The following PDK3 variants were observed in gnomAD, a reference collection of about 807,000 sequenced individuals.
The protein encoded by PDK3 is pyruvate dehydrogenase kinase 3.
Under a neutral mutation model 32.0 loss-of-function variants are expected in PDK3, and 12 were observed. The ratio of observed to expected loss-of-function variants is 0.37; its 90% CI spans 0.24 to 0.61. PDK3 has a LOEUF of 0.61. Among genes scored for constraint, PDK3 ranks in the 20% least tolerant of loss-of-function variants. The pLI is 0.65. For missense variants in PDK3, 188 were observed against 316.9 expected (o/e 0.59, Z 3.09); for synonymous variants, 122 against 116.3 (o/e 1.05, Z -0.31).
chrX:24,502,294 C>G (rs1339032759), intron 3 of PDK3, among the ~76,000 whole-genome samples: 1 of 111,429 alleles, frequency 9.0e-6, no homozygotes, highest in South Asian at 3.7e-4. Context: ...ATTGTTAGCC[C>G]GCTGTTCCAG....
At chrX:24,509,401 A>G (rs750436095) in intron 5 of PDK3, among the ~76,000 whole-genome samples, 1 of 111,653 alleles carries the variant, frequency 9.0e-6, no homozygotes, top group African/African-American at 3.3e-5. Flanking sequence ...CTCACTTAGC[A>G]TAATTAAAGC....
At position 24,503,530 on chromosome X, in the gene PDK3, G is replaced by A; in HGVS notation, c.505+19G>A. 1 of 1,081,266 alleles carries A rather than the reference G, an allele frequency of 9.2e-7. No homozygotes were observed. The highest frequency in any genetic ancestry group is 1.2e-6 in the Non-Finnish European group (1 of 812,419). 89.1% of individuals were successfully genotyped at this position (1,081,266 alleles called of 1,213,427 possible). A position where few individuals can be genotyped will look rare whatever the true frequency, so the allele number is the denominator to read the frequency against. On this transcript the variant is annotated intron_variant, in intron 4 of 10. Coordinates refer to ENST00000379162, the MANE Select transcript of PDK3 (RefSeq NM_005391.5). ...CAGCACAGTAAGTTGGAGTTTGTTG[G>A]TCCAGTTTTGAAAAGGTAACCATAG...
chrX:24,525,128 G>C (rs1313798244), intron 6 of PDK3, among the ~76,000 whole-genome samples: 1 of 111,949 alleles, frequency 8.9e-6, no homozygotes, highest in Non-Finnish European at 1.9e-5. Context: ...CTGCACTCCA[G>C]CCTGGGCAAC....
At chrX:24,482,014 T>A (rs1921272731) in intron 1 of PDK3, among the ~76,000 whole-genome samples, 1 of 112,053 alleles carries the variant, frequency 8.9e-6, no homozygotes, top group Non-Finnish European at 1.9e-5. Context: ...TTATTCTTTT[T>A]ATGAGGCCAA....
exon 12 of PDK3, among the ~76,000 whole-genome samples, chrX:24,542,586 T>C (rs1922914191): frequency 8.9e-6 from 1 of 112,706 alleles, no homozygotes; most frequent in Non-Finnish European, 1.9e-5. Flanking sequence ...TAGAGCAAGT[T>C]AATTCCGTTC....
chrX:24,465,723 G>T (rs1031538904), intron 1 of PDK3, among the ~76,000 whole-genome samples, 162 bp downstream of exon 1: 9 of 111,630 alleles, frequency 8.1e-5, no homozygotes, highest in Non-Finnish European at 1.5e-4. Flanking sequence ...GCGCGGAGGG[G>T]CAGGGCCTGG....
At chrX:24,548,312 C>G in exon 12 of PDK3, 1 of 112,193 alleles carries the variant, frequency 8.9e-6, no homozygotes, top group Admixed American at 9.5e-5. Context: ...CAGAACAACC[C>G]TGCAATTTGA....
chrX:24,470,219 T>A (rs1920976848), intron 1 of PDK3, among the ~76,000 whole-genome samples: 1 of 112,282 alleles, frequency 8.9e-6, no homozygotes, highest in Admixed American at 9.4e-5. Context: ...CTAAGACTAA[T>A]TTATCTTTTG....
At chrX:24,476,177 GT>G (rs1003407379) in intron 1 of PDK3, among the ~76,000 whole-genome samples, 28 of 103,633 alleles carry the variant, frequency 2.7e-4, no homozygotes, top group East Asian at 6.0e-4. Context: ...CTGGCCACCT[GT>G]TTTTTTTTTT....
At chrX:24,512,201 C>T (rs138348132) in intron 5 of PDK3, among the ~76,000 whole-genome samples, 2 of 111,741 alleles carry the variant, frequency 1.8e-5, no homozygotes, top group Non-Finnish European at 3.8e-5. Context: ...GACCCTTTTC[C>T]CTCCTTTCTT....
At chrX:24,484,814 CT>C (rs1921356642) in intron 1 of PDK3, among the ~76,000 whole-genome samples, 1 of 110,271 alleles carries the variant, frequency 9.1e-6, no homozygotes, top group South Asian at 4.0e-4. Flanking sequence ...GCCGTATTTG[CT>C]TTATTTTTCC....
chrX:24,544,212 A>G lies in PDK3; in HGVS notation c.*5048A>G, dbSNP rs772696499. On this transcript the variant is annotated 3_prime_UTR_variant, in exon 12 of 12. Transcript: ENST00000568479. ...AACATGTTGTCTGTGAGTGCCTTCC[A>G]TAGACACTGTTGAATCCTCTGCCCT... is the stretch of plus-strand genomic sequence containing the variant. Among the ~76,000 whole-genome samples the G allele has an allele frequency of 9.0e-5, 10 of 111,368 alleles. No individual in the cohort carries two copies. In the East Asian group the frequency reaches 2.3e-3, roughly 25 times the overall value.
chrX:24,471,470 T>C (rs775791493), intron 1 of PDK3, among the ~76,000 whole-genome samples: 60 of 112,516 alleles, frequency 5.3e-4, no homozygotes, highest in African/African-American at 1.8e-3. Context: ...AATTATTCTC[T>C]AATTTATTGA....
chrX:24,515,639 G>A lies in PDK3; in HGVS notation c.596-3294G>A, dbSNP rs762055055. ...TTTGTGTTCAGCTTTGTGCTTTCAC[G>A]TCACTAGGTGGAGATGTAGCATTGT... On this transcript the variant is annotated intron_variant, in intron 5 of 10. Coordinates refer to ENST00000379162, the MANE Select transcript of PDK3 (RefSeq NM_005391.5). 8.9e-5 allele frequency among the ~76,000 whole-genome samples: 10 copies of A among 112,041 alleles called. No individual in the cohort carries two copies. The South Asian group carries it at 3.7e-3, about 41-fold the overall frequency.
exon 12 of PDK3, chrX:24,546,351 G>A (rs1371253467): frequency 8.9e-6 from 1 of 111,924 alleles, no homozygotes; most frequent in Non-Finnish European, 1.9e-5. Context: ...GAAGTTTAAA[G>A]CATCTGGATG....
chrX:24,539,826 G>A (rs1922852424), exon 12 of PDK3: 1 of 112,375 alleles, frequency 8.9e-6, no homozygotes, highest in African/African-American at 3.2e-5. Context: ...CATTCGAAAT[G>A]TTATCTTAGA....
chrX:24,517,117 T>G (rs775007602), intron 5 of PDK3, among the ~76,000 whole-genome samples: 7 of 111,286 alleles, frequency 6.3e-5, no homozygotes, highest in Middle Eastern at 4.7e-3. Context: ...TTACTTTCAA[T>G]GAGTGAATTG....
intron 1 of PDK3, among the ~76,000 whole-genome samples, chrX:24,488,004 C>CAAAAAA (rs34710130): frequency 3.6e-5 from 1 of 27,476 alleles, no homozygotes; most frequent in Non-Finnish European, 6.5e-5. Context: ...AACTCCATCT[C>CAAAAAA]AAAAAAAAAA....
At chrX:24,511,479 T>A (rs902112216) in intron 5 of PDK3, among the ~76,000 whole-genome samples, 1 of 111,761 alleles carries the variant, frequency 8.9e-6, no homozygotes, top group African/African-American at 3.3e-5. Context: ...CATAGTCAGA[T>A]GTCCAGCCCA....
Sources: allele counts gnomAD v4.1 joint callset (sites outside exome capture counted in the v4.1 genomes callset), GRCh38; gene constraint gnomAD v4.1.1; transcripts MANE v1.5; gene names NCBI Gene and HGNC (gene_info 2026-07-23, HGNC 2026-07-21).